GAB3: variants seen among roughly 807,000 people sequenced by gnomAD.
GAB3 encodes GRB2-associated-binding protein 3.
In GAB3, 12 loss-of-function variants were observed where a neutral mutation model predicts 40.4. That is an observed-to-expected ratio of 0.30 (90% confidence interval 0.19 to 0.48). The LOEUF (loss-of-function observed/expected upper bound fraction) is 0.48, where lower values mean the gene tolerates loss of function less well. Among genes scored for constraint, GAB3 ranks in the 20% least tolerant of loss-of-function variants. GAB3 has a pLI of 0.99. For missense variants in GAB3, 381 were observed against 461.9 expected, an observed-to-expected ratio of 0.82 and a Z score of 1.61; for synonymous variants, 154 against 176.7, an observed-to-expected ratio of 0.87 and a Z score of 1.02.
intron 4 of GAB3, among the ~76,000 whole-genome samples, chrX:154,710,068 ACATAATGCATATGCATATCAAATCAT>A (rs1322850341): frequency 7.2e-5 from 8 of 110,694 alleles, no homozygotes; most frequent in Admixed American, 4.7e-4. Flanking sequence ...AATAATCAGT[ACATAATGCATATGCATATCAAATCAT>A]CATGTTCTGA....
At chrX:154,683,381 C>T (rs2070401900) in intron 8 of GAB3, among the ~76,000 whole-genome samples, 1 of 112,374 alleles carries the variant, frequency 8.9e-6, no homozygotes. Flanking sequence ...TGCCTATTTA[C>T]TTAATCACCT....
intron 8 of GAB3, among the ~76,000 whole-genome samples, chrX:154,692,950 C>T (rs1243745804): frequency 8.9e-6 from 1 of 111,930 alleles, no homozygotes; most frequent in African/African-American, 3.3e-5. Flanking sequence ...AGAAATTCCA[C>T]TTCTACATAT....
At chrX:154,719,966 AAT>A (rs1416650029) in intron 1 of GAB3, among the ~76,000 whole-genome samples, 8 of 112,415 alleles carry the variant, frequency 7.1e-5, no homozygotes, top group Non-Finnish European at 1.3e-4. Context: ...TGCTTTCATA[AAT>A]AGTCATATGC....
chrX:154,743,953 C>A (rs1437861687), intron 1 of GAB3, among the ~76,000 whole-genome samples: 1 of 111,174 alleles, frequency 9.0e-6, no homozygotes, highest in African/African-American at 3.3e-5. Context: ...TGGTGGCTCA[C>A]ACCTGTAATC....
At chrX:154,741,696 A>AT (rs61095751) in intron 1 of GAB3, among the ~76,000 whole-genome samples, 1 of 107,944 alleles carries the variant, frequency 9.3e-6, no homozygotes, top group Admixed American at 9.9e-5. Flanking sequence ...AAAAAAAAAA[A>AT]GGAAAAGAGG....
In GAB3 at chrX:154,747,223, G is replaced by A. The variant is rs180912106; in HGVS notation, c.72+3731C>T. On this transcript the variant is annotated intron_variant, in intron 1 of 9. Transcript: ENST00000424127. ...AGAGTTTCACCATGTTGGCCAGGCT[G>A]GTCTTGAACTCCTGACCTCAGGAGA... Among the ~76,000 whole-genome samples the A allele has an allele frequency of 3.6e-3, 405 of 111,872 alleles. 13 individuals are homozygous for A. In the East Asian group the frequency reaches 0.095, roughly 26 times the overall value.
intron 8 of GAB3, among the ~76,000 whole-genome samples, chrX:154,683,070 C>CTAG: frequency 8.9e-6 from 1 of 112,544 alleles, no homozygotes; most frequent in South Asian, 3.7e-4. Context: ...ATCTTTCATG[C>CTAG]TAGAGTTCTC....
chrX:154,717,308 G>A (rs1050110231), intron 1 of GAB3, among the ~76,000 whole-genome samples: 25 of 110,832 alleles, frequency 2.3e-4, no homozygotes, highest in Non-Finnish European at 3.8e-5. Flanking sequence ...TTTCAACCAG[G>A]GATGGTATAA....
chrX:154,730,503 C>T (rs2071276383), intron 1 of GAB3, among the ~76,000 whole-genome samples: 2 of 112,039 alleles, frequency 1.8e-5, no homozygotes, highest in South Asian at 7.3e-4. Context: ...TTTTGGTAAC[C>T]TCCCAAGACC....
intron 1 of GAB3, among the ~76,000 whole-genome samples, chrX:154,743,370 A>G (rs2071475952): frequency 9.0e-6 from 1 of 111,667 alleles, no homozygotes; most frequent in Non-Finnish European, 1.9e-5. Context: ...TTCTTCAGGC[A>G]GAAGGAATAT....
intron 8 of GAB3, among the ~76,000 whole-genome samples, chrX:154,684,133 G>A (rs1311451426): frequency 1.8e-5 from 2 of 111,769 alleles, no homozygotes; most frequent in African/African-American, 6.5e-5. Flanking sequence ...TTTAAAATCC[G>A]CATCCACCAG....
chrX:154,736,255 G>A (rs1557260515), intron 1 of GAB3, among the ~76,000 whole-genome samples: 1 of 112,622 alleles, frequency 8.9e-6, no homozygotes, highest in African/African-American at 3.2e-5. Context: ...CTTGACAAGA[G>A]CAGTTTTGAT....
At chrX:154,733,464 A>G (rs981858753) in intron 1 of GAB3, among the ~76,000 whole-genome samples, 1 of 112,306 alleles carries the variant, frequency 8.9e-6, no homozygotes, top group Non-Finnish European at 1.9e-5. Context: ...CATTTGCCTT[A>G]TAAGTTGGTA....
chrX:154,712,187 C>A, intron 4 of GAB3, 42 bp downstream of exon 4: 1 of 1,014,173 alleles, frequency 9.9e-7, no homozygotes. Flanking sequence ...GAAGAGGAGC[C>A]CGGGTTTTCT....
At chrX:154,717,823 G>A (rs782343828) in intron 1 of GAB3, among the ~76,000 whole-genome samples, 1 of 112,083 alleles carries the variant, frequency 8.9e-6, no homozygotes, top group Non-Finnish European at 1.9e-5. Flanking sequence ...AAATGTTTGA[G>A]TTCCTTGTCT....
chrX:154,684,059 T>C (rs1557247358), intron 8 of GAB3, among the ~76,000 whole-genome samples: 1 of 112,239 alleles, frequency 8.9e-6, no homozygotes, highest in Non-Finnish European at 1.9e-5. Flanking sequence ...CTGGCTATTA[T>C]GAAAAAATGC....
At chrX:154,698,019 G>A (rs1443606750) in intron 6 of GAB3, among the ~76,000 whole-genome samples, 3 of 112,310 alleles carry the variant, frequency 2.7e-5, no homozygotes, top group Non-Finnish European at 5.6e-5. Context: ...GTCCTGCAGA[G>A]CTGCACTGTC....
chrX:154,685,841 C>T (rs1382220702), intron 8 of GAB3, among the ~76,000 whole-genome samples: 1 of 111,635 alleles, frequency 9.0e-6, no homozygotes, highest in Non-Finnish European at 1.9e-5. Flanking sequence ...ATAAATGGTG[C>T]CAACCAATTA....
chrX:154,729,427 C>T (rs1557259743), intron 1 of GAB3, among the ~76,000 whole-genome samples: 3 of 111,528 alleles, frequency 2.7e-5, no homozygotes, highest in Non-Finnish European at 5.7e-5. Flanking sequence ...GTGCAATGAA[C>T]CAAGAACTGG....
Sources: gnomAD v4.1 joint callset for allele counts (sites outside exome capture counted in the v4.1 genomes callset) on GRCh38, gnomAD v4.1.1 for gene constraint, MANE v1.5 for transcripts, NCBI Gene and HGNC (gene_info 2026-07-23, HGNC 2026-07-21) for gene names.